MYO16: variants seen among roughly 807,000 people sequenced by gnomAD.
The protein encoded by MYO16 is unconventional myosin-XVI.
A neutral mutation model predicts 205.3 loss-of-function variants in MYO16; 94 were observed. That is an observed-to-expected ratio of 0.46 (90% CI 0.39 to 0.54). The LOEUF is 0.54. MYO16 is among the 20% of genes least tolerant of loss of function. MYO16 has a pLI of 0.00. For synonymous variants in MYO16, 988 were observed against 954.0 expected (o/e 1.04, Z -0.66); for missense variants, 2,315 against 2,387.5 (o/e 0.97, Z 0.63).
chr13:108,744,798 G>A (rs1230117237), intron 4 of MYO16, among the ~76,000 whole-genome samples: 2 of 152,192 alleles, frequency 1.3e-5, no homozygotes, highest in Non-Finnish European at 2.9e-5. Flanking sequence ...AAATTTGAAA[G>A]AGGCTATTCA....
chr13:108,911,974 A>G (rs1164422649), intron 16 of MYO16, among the ~76,000 whole-genome samples: 1 of 152,208 alleles, frequency 6.6e-6, no homozygotes, highest in Non-Finnish European at 1.5e-5. Context: ...GCTAGGAGGG[A>G]ACCAGGGTGC....
At chr13:108,743,905 A>G (rs1000216169) in intron 4 of MYO16, among the ~76,000 whole-genome samples, 4 of 152,258 alleles carry the variant, frequency 2.6e-5, no homozygotes, top group African/African-American at 7.2e-5. Context: ...ATACTACTAC[A>G]TAAAATTGTT....
intron 6 of MYO16, among the ~76,000 whole-genome samples, chr13:108,796,192 G>A (rs1886783630): frequency 6.6e-6 from 1 of 152,278 alleles, no homozygotes; most frequent in Middle Eastern, 3.4e-3. Flanking sequence ...AAGAGAGGAG[G>A]GGCATGAGCC....
At chr13:109,124,520 C>G (rs143404792) in intron 29 of MYO16, among the ~76,000 whole-genome samples, 49 of 152,252 alleles carry the variant, frequency 3.2e-4, no homozygotes, top group African/African-American at 1.2e-3. Context: ...TTGTTACTGA[C>G]ATATTGATTT....
At chr13:108,880,012 C>A (rs1210459893) in intron 12 of MYO16, among the ~76,000 whole-genome samples, 1 of 152,204 alleles carries the variant, frequency 6.6e-6, no homozygotes, top group Non-Finnish European at 1.5e-5. Flanking sequence ...TCCACATCCT[C>A]TCCAGCACCT....
intron 4 of MYO16, among the ~76,000 whole-genome samples, chr13:108,775,543 A>G (rs1443553024): frequency 1.3e-5 from 2 of 152,142 alleles, no homozygotes; most frequent in Admixed American, 6.5e-5. Flanking sequence ...AGCTAACATA[A>G]TACCTTATAA....
chr13:109,003,317 AT>A (rs1049821130), intron 21 of MYO16, among the ~76,000 whole-genome samples: 2 of 152,136 alleles, frequency 1.3e-5, no homozygotes, highest in Admixed American at 6.5e-5. Context: ...TTACTTTAAA[AT>A]TTTTTCCCCC....
intron 7 of MYO16, among the ~76,000 whole-genome samples, chr13:108,816,742 C>T (rs993080707): frequency 2.0e-5 from 3 of 152,180 alleles, no homozygotes; most frequent in Non-Finnish European, 4.4e-5. Context: ...TTCAGGATGC[C>T]TGTCCGCTGA....
At chr13:109,165,625 T>A (rs565343262) in intron 33 of MYO16, among the ~76,000 whole-genome samples, 3 of 152,224 alleles carry the variant, frequency 2.0e-5, no homozygotes. Context: ...GGGAAAAGCA[T>A]GTTTGTTTAG....
chr13:108,579,123 G>T, the MYO16 span, among the ~76,000 whole-genome samples: 1 of 152,104 alleles, frequency 6.6e-6, no homozygotes, highest in African/African-American at 2.4e-5. Flanking sequence ...ATCTTCAAAG[G>T]CTGCTTGGCC....
intron 11 of MYO16, among the ~76,000 whole-genome samples, chr13:108,859,072 C>G (rs1313607747): frequency 6.6e-6 from 1 of 152,138 alleles, no homozygotes; most frequent in Non-Finnish European, 1.5e-5. Context: ...TCCTATCCTT[C>G]TGCCTTCATA....
rs936748734 is a variant in MYO16 at position 109,174,743 on chromosome 13, CT to C, written c.5324-4797del. ...TTGAAAGTCTCTTTCTCATTCTTGT[CT>C]TGTCTTTTTTTTTTTTTTTTTTTTT... On this transcript the variant is annotated intron_variant, in intron 33 of 34. Transcript: ENST00000457511. 2.3e-5 allele frequency among the ~76,000 whole-genome samples: 3 copies of C among 133,166 alleles called. No homozygotes were observed. In the Admixed American group the frequency reaches 2.4e-4, roughly 11 times the overall value. 87.4% of individuals were successfully genotyped at this position (133,166 alleles called of 152,430 possible). A position where few individuals can be genotyped will look rare whatever the true frequency, so the allele number is the denominator to read the frequency against.
chr13:108,839,780 T>A (rs1370859946), intron 9 of MYO16, among the ~76,000 whole-genome samples: 1 of 152,194 alleles, frequency 6.6e-6, no homozygotes, highest in Non-Finnish European at 1.5e-5. Flanking sequence ...GATATAAACA[T>A]AAAGCTCTGT....
At chr13:108,989,412 G>T (rs1023488198) in intron 20 of MYO16, among the ~76,000 whole-genome samples, 2 of 152,062 alleles carry the variant, frequency 1.3e-5, no homozygotes, top group African/African-American at 4.8e-5. Context: ...AGTAAACAAA[G>T]CAATATCTCC....
At chr13:109,134,334 C>T (rs1462619465) in intron 31 of MYO16, among the ~76,000 whole-genome samples, 5 of 152,204 alleles carry the variant, frequency 3.3e-5, no homozygotes, top group African/African-American at 9.6e-5. Flanking sequence ...TTCACCGCAT[C>T]TGAATCAAAC....
At chr13:109,035,844 G>A (rs1055929186) in intron 23 of MYO16, among the ~76,000 whole-genome samples, 2 of 152,210 alleles carry the variant, frequency 1.3e-5, no homozygotes, top group East Asian at 1.9e-4. Flanking sequence ...CATACGTAAC[G>A]TGCATCCAAC....
At chr13:108,662,068 C>T (rs1881526759) in intron 1 of MYO16, among the ~76,000 whole-genome samples, 1 of 152,206 alleles carries the variant, frequency 6.6e-6, no homozygotes, top group Non-Finnish European at 1.5e-5. Context: ...TGGGTCTAGC[C>T]ACCCAGTGAG....
chr13:109,093,178 A>G (rs545309361), intron 27 of MYO16, among the ~76,000 whole-genome samples: 6 of 152,222 alleles, frequency 3.9e-5, no homozygotes, highest in Non-Finnish European at 8.8e-5. Flanking sequence ...CACACTTAGT[A>G]TACACTGCCA....
chr13:109,052,888 AG>A (rs1887291075), intron 25 of MYO16, among the ~76,000 whole-genome samples: 1 of 152,164 alleles, frequency 6.6e-6, no homozygotes. Flanking sequence ...TTATAGACGT[AG>A]GGTGTTGTTC....
Sources: gnomAD v4.1 joint callset for allele counts (sites outside exome capture counted in the v4.1 genomes callset) on GRCh38, gnomAD v4.1.1 for gene constraint, MANE v1.5 for transcripts, NCBI Gene and HGNC (gene_info 2026-07-23, HGNC 2026-07-21) for gene names.